Variants in RORA observed in about 807,000 individuals in gnomAD.
The protein encoded by RORA is RAR related orphan receptor A, also known as nuclear receptor ROR-alpha.
RORA carries 7 observed loss-of-function variants against 69.5 expected under a neutral mutation model. The observed-to-expected ratio is 0.10, with a 90% CI of 0.06 to 0.19. The LOEUF is 0.19. Ranked by LOEUF, RORA falls within the 10% of genes least tolerant of loss-of-function variation. RORA has a pLI of 1.00. For missense variants in RORA, 457 were observed against 663.0 expected, an observed-to-expected ratio of 0.69 and a Z score of 3.41; for synonymous variants, 261 against 240.8, an observed-to-expected ratio of 1.08 and a Z score of -0.78.
At chr15:60,596,497 A>C (rs1317751936) in intron 2 of RORA, among the ~76,000 whole-genome samples, 1 of 152,090 alleles carries the variant, frequency 6.6e-6, no homozygotes, top group African/African-American at 2.4e-5. Flanking sequence ...GTTTCCTATA[A>C]ACACAATAGG....
At chr15:60,802,327 G>A (rs2072595344) in intron 1 of RORA, among the ~76,000 whole-genome samples, 1 of 152,204 alleles carries the variant, frequency 6.6e-6, no homozygotes, top group Non-Finnish European at 1.5e-5. Flanking sequence ...AGCACAGGTA[G>A]GAACCAAAGA....
intron 1 of RORA, among the ~76,000 whole-genome samples, chr15:60,743,313 C>T (rs1294350537): frequency 6.6e-6 from 1 of 152,198 alleles, no homozygotes; most frequent in East Asian, 1.9e-4. Context: ...CCGCACCCGG[C>T]TGTAAATGCA....
chr15:60,524,637 A>G (rs60708375), intron 3 of RORA, among the ~76,000 whole-genome samples: 3,639 of 152,178 alleles, frequency 0.024, 85 homozygotes, highest in African/African-American at 0.052. Flanking sequence ...ATTAATGTCT[A>G]CCTTTTCCAG....
At position 60,883,149 on chromosome 15, in the gene RORA, AAAGAAAG is replaced by A. The variant is rs1187845173; in HGVS notation, c.167-204470_167-204464del. Among the ~76,000 whole-genome samples, 381 of 34,130 alleles carry A rather than the reference AAAGAAAG, an allele frequency of 0.011. 8 individuals are homozygous for A. In the East Asian group the frequency reaches 0.11, roughly 10 times the overall value. The allele number at this position is 34,130 out of a possible 152,430, so 22.4% of individuals were successfully genotyped here. ...TCGTCTCAAAAAAAAAAAAAAAAAA[AAAGAAAG>A]AGAGAGAGAGAGAGAGAGAGAGAGA... On this transcript the variant is annotated intron_variant, in intron 1 of 10. Coordinates refer to ENST00000335670, the MANE Select transcript of RORA (RefSeq NM_134261.3).
At chr15:60,892,674 A>G (rs910209863) in intron 1 of RORA, among the ~76,000 whole-genome samples, 1 of 152,224 alleles carries the variant, frequency 6.6e-6, no homozygotes, top group East Asian at 1.9e-4. Flanking sequence ...TTCCAACTTC[A>G]TCCTTCACTC....
intron 1 of RORA, among the ~76,000 whole-genome samples, chr15:61,168,498 A>G (rs2140890637): frequency 6.6e-6 from 1 of 152,258 alleles, no homozygotes; most frequent in Admixed American, 6.5e-5. Flanking sequence ...AGCTCAAGTT[A>G]TCTGCCCACC....
intron 1 of RORA, among the ~76,000 whole-genome samples, chr15:61,073,585 G>A (rs2078401865): frequency 6.6e-6 from 1 of 152,158 alleles, no homozygotes; most frequent in Non-Finnish European, 1.5e-5. Flanking sequence ...GGAATACAGG[G>A]AAATAGACTT....
intron 1 of RORA, among the ~76,000 whole-genome samples, chr15:61,171,234 C>A (rs1312519910): frequency 6.6e-6 from 1 of 152,034 alleles, no homozygotes; most frequent in Non-Finnish European, 1.5e-5. Flanking sequence ...TCCTCCACAG[C>A]CCTACACCCA....
chr15:61,045,508 T>C (rs1896976562), intron 1 of RORA, among the ~76,000 whole-genome samples: 1 of 152,144 alleles, frequency 6.6e-6, no homozygotes, highest in South Asian at 2.1e-4. Flanking sequence ...GTAAAAAGGC[T>C]GAGACAAGGA....
intron 1 of RORA, among the ~76,000 whole-genome samples, chr15:61,201,090 T>A (rs1374632084): frequency 2.0e-5 from 3 of 152,214 alleles, no homozygotes; most frequent in Non-Finnish European, 4.4e-5. Context: ...TGAATTATAT[T>A]CAGGTTTTTA....
intron 1 of RORA, chr15:60,706,462 T>C (rs2071064521): frequency 6.6e-6 from 1 of 152,022 alleles, no homozygotes; most frequent in Admixed American, 6.6e-5. Context: ...GAAGGTAGTA[T>C]GGTAAGAAAG....
In RORA at chr15:60,495,467, A is replaced by C. The variant is rs1384734745; in HGVS notation, c.*1988T>G. ...AGGCTTCATACACACATCTGTGTGAATAATACCTTCCCCTTTTCCAAGTCC... is the reference window on the plus strand; with the variant it reads ...AGGCTTCATACACACATCTGTGTGACTAATACCTTCCCCTTTTCCAAGTCC... On this transcript the variant is annotated 3_prime_UTR_variant, in exon 11 of 11. Coordinates refer to ENST00000335670, the MANE Select transcript of RORA (RefSeq NM_134261.3). 1 of 152,260 alleles carries C rather than the reference A, an allele frequency of 6.6e-6. No individual in the cohort carries two copies. Among genetic ancestry groups the C allele is most frequent in the East Asian group, 1.9e-4 (1 of 5,206 alleles). The allele number at this position is 152,260 out of a possible 1,614,324, so 9.4% of individuals were successfully genotyped here.
chr15:60,815,527 C>G (rs1420389873), intron 1 of RORA, among the ~76,000 whole-genome samples: 3 of 152,106 alleles, frequency 2.0e-5, no homozygotes, highest in African/African-American at 7.2e-5. Flanking sequence ...GAGGACTTGG[C>G]AACTCTAAGG....
chr15:61,216,867 G>C (rs1452107777), intron 1 of RORA, among the ~76,000 whole-genome samples: 1 of 152,144 alleles, frequency 6.6e-6, no homozygotes, highest in Non-Finnish European at 1.5e-5. Context: ...CCTGGGTCTT[G>C]GCCCAGGTCT....
chr15:60,920,920 A>G (rs1892024601), intron 1 of RORA, among the ~76,000 whole-genome samples: 1 of 152,180 alleles, frequency 6.6e-6, no homozygotes, highest in African/African-American at 2.4e-5. Context: ...ACTTCAAGGA[A>G]GATTTATGAA....
chr15:61,083,107 G>A (rs914222413), intron 1 of RORA, among the ~76,000 whole-genome samples: 6 of 152,312 alleles, frequency 3.9e-5, no homozygotes, highest in African/African-American at 1.4e-4. Flanking sequence ...TGTTGTGAAA[G>A]CTGTGCCTGG....
intron 1 of RORA, among the ~76,000 whole-genome samples, chr15:61,115,025 T>C (rs746616943): frequency 2.0e-5 from 3 of 152,316 alleles, no homozygotes; most frequent in African/African-American, 4.8e-5. Flanking sequence ...ATGTGAAAGA[T>C]AGAGCAGAAC....
intron 1 of RORA, among the ~76,000 whole-genome samples, chr15:60,754,924 G>A (rs2071775590): frequency 6.6e-6 from 1 of 151,688 alleles, no homozygotes; most frequent in East Asian, 1.9e-4. Flanking sequence ...GTCTGGAATG[G>A]ATATCTCTCT....
At chr15:60,758,850 C>T (rs574682265) in intron 1 of RORA, among the ~76,000 whole-genome samples, 1 of 152,284 alleles carries the variant, frequency 6.6e-6, no homozygotes, top group African/African-American at 2.4e-5. Flanking sequence ...AGCTTTCACA[C>T]CCACCAGATC....
Sources: gnomAD v4.1 joint callset for allele counts (sites outside exome capture counted in the v4.1 genomes callset) on GRCh38, gnomAD v4.1.1 for gene constraint, MANE v1.5 for transcripts, NCBI Gene and HGNC (gene_info 2026-07-23, HGNC 2026-07-21) for gene names.